The following TLN1 variants were observed in gnomAD, a reference collection of about 807,000 sequenced individuals.
TLN1 encodes talin 1.
A neutral mutation model predicts 292.3 loss-of-function variants in TLN1; 56 were observed. That is an observed-to-expected ratio of 0.19 (90% confidence interval 0.15 to 0.24). The LOEUF (loss-of-function observed/expected upper bound fraction) is 0.24, where lower values mean the gene tolerates loss of function less well. Among genes scored for constraint, TLN1 ranks in the 10% least tolerant of loss-of-function variants. TLN1 has a pLI of 1.00. For missense variants in TLN1, 2,433 were observed against 3,248.2 expected (o/e 0.75, Z 6.10); for synonymous variants, 1,119 against 1,253.7 (o/e 0.89, Z 2.27).
chr9:35,717,546 A>T lies in TLN1; in HGVS notation c.2163+73T>A. The T allele has an allele frequency of 1.9e-6, 3 of 1,578,448 alleles. No individual in the cohort carries two copies. The highest frequency in any genetic ancestry group is 1.7e-4 in the Middle Eastern group (1 of 5,902). ...TGAGGAGGCCTCCAGAGCCAAAGAA[A>T]TAAAATGAAAGGCTCACGTGTGTGT... On this transcript the variant is annotated intron_variant, in intron 18 of 56. Transcript: ENST00000314888. This position sits in a 1 kb window ranked among gnomAD's most constrained non-coding sequence, Gnocchi z 4.7.
At chr9:35,731,677 CTCA>C (rs1380859411) in intron 1 of TLN1, among the ~76,000 whole-genome samples, 1 of 152,162 alleles carries the variant, frequency 6.6e-6, no homozygotes, top group Non-Finnish European at 1.5e-5. Context: ...ACGGACCTGA[CTCA>C]CACTAACTCT....
In TLN1 at chr9:35,700,243, G is replaced by A; in HGVS notation, c.6608C>T (p.Ala2203Val). The change falls in exon 49 of 57, where the codon GCC (alanine) becomes GTC (valine). Residue 2203 changes from alanine to valine, a missense_variant. By Grantham distance (64) the Ala-to-Val change is moderately conservative. Coordinates refer to ENST00000314888, the MANE Select transcript of TLN1 (RefSeq NM_006289.4). ...AGCACGGCGGCTCAGATTGGCTGTGGCAATGACATCTTCCTGGCGACAGGA... is the reference window on the plus strand; with the variant it reads ...AGCACGGCGGCTCAGATTGGCTGTGACAATGACATCTTCCTGGCGACAGGA... Reference protein sequence around the residue: ...GNSCRQEDVIATANLSRRAIA... With the variant: ...GNSCRQEDVIVTANLSRRAIA... 1.2e-6 allele frequency: 2 copies of A among 1,612,918 alleles called. No individual in the cohort carries two copies. The highest frequency in any genetic ancestry group is 2.2e-5 in the South Asian group (2 of 91,074).
At position 35,717,622 on chromosome 9, in the gene TLN1, A is replaced by G. The variant is rs1422156486; in HGVS notation, c.2160T>C (p.Thr720=). 6.2e-7 allele frequency: 1 copy of G among 1,612,532 alleles called. No homozygotes were observed. Among genetic ancestry groups the G allele is most frequent in the Non-Finnish European group, 8.5e-7 (1 of 1,178,768 alleles). Residue 720 remains threonine, a synonymous_variant, in exon 18 of 57, where the codon ACT becomes ACC. Coordinates refer to ENST00000314888, the MANE Select transcript of TLN1 (RefSeq NM_006289.4). The surrounding 1 kb of genome is among the most constrained non-coding windows in gnomAD (Gnocchi z 4.7). Reference sequence around the variant, plus strand: ...TAGAGCAACCTTTGGGGCTCACCTTAGTACAGGCCACTAGTTGGGAAGTGG... The same window carrying G: ...TAGAGCAACCTTTGGGGCTCACCTTGGTACAGGCCACTAGTTGGGAAGTGG... The part of the protein sequence containing the change: ...ALSTSQLVAC[T]KVVAPTISSP...
chr9:35,710,456 T>A, intron 33 of TLN1, 105 bp downstream of exon 33: 1 of 1,490,564 alleles, frequency 6.7e-7, no homozygotes, highest in Non-Finnish European at 9.0e-7. Flanking sequence ...TAGAGTTGGC[T>A]TTGCAAACAT....
Position 35,704,624 on chromosome 9 carries a change from G to C in TLN1, c.5880+45C>G. The C allele has an allele frequency of 6.2e-7, 1 of 1,608,256 alleles. No individual in the cohort carries two copies. The highest frequency in any genetic ancestry group is 8.5e-7 in the Non-Finnish European group (1 of 1,176,996). ...CTGGAGGAGGATGGCAAAGGCTACAGAGTTTGGAGGCAGTCCCACCATCTG... is the reference window on the plus strand; with the variant it reads ...CTGGAGGAGGATGGCAAAGGCTACACAGTTTGGAGGCAGTCCCACCATCTG... On this transcript the variant is annotated intron_variant, in intron 44 of 56. Transcript: ENST00000314888. The surrounding 1 kb of genome is among the most constrained non-coding windows in gnomAD (Gnocchi z 6.9).
intron 20 of TLN1, 97 bp downstream of exon 20, chr9:35,716,293 T>G: frequency 7.0e-7 from 1 of 1,425,188 alleles, no homozygotes; most frequent in East Asian, 2.4e-5. Context: ...TGTTTTCTGC[T>G]TTTCCTGGGT....
chr9:35,730,755 CAG>C (rs981594477), intron 1 of TLN1, among the ~76,000 whole-genome samples: 1 of 151,992 alleles, frequency 6.6e-6, no homozygotes, highest in African/African-American at 2.4e-5. Context: ...GTGTGAAATG[CAG>C]AGTCAGGGAT....
chr9:35,729,486 G>A (rs1826031959), intron 1 of TLN1, among the ~76,000 whole-genome samples: 2 of 152,188 alleles, frequency 1.3e-5, no homozygotes, highest in African/African-American at 4.8e-5. Flanking sequence ...TTTACTTATT[G>A]GAGGACAAAA....
At chr9:35,725,810 T>C (rs1181747651) in intron 1 of TLN1, 83 bp from the exon 2 acceptor site, 1 of 1,347,954 alleles carries the variant, frequency 7.4e-7, no homozygotes, top group African/African-American at 1.5e-5. Context: ...AAGGGAAGAG[T>C]GTTTTTGAAA....
chr9:35,720,261 T>C (rs2131902915), intron 12 of TLN1, 42 bp from the exon 13 acceptor site: 1 of 1,549,894 alleles, frequency 6.5e-7, no homozygotes, highest in East Asian at 2.3e-5. Flanking sequence ...GGACTCCTCA[T>C]CTCTACCCGT....
rs1175057298 is a variant in TLN1 at position 35,722,202 on chromosome 9, T to G, written c.865A>C (p.Met289Leu). 1.9e-6 allele frequency: 3 copies of G among 1,614,114 alleles called. No homozygotes were observed. In the African/African-American group the frequency reaches 4.0e-5, roughly 22 times the overall value. The change falls in exon 9 of 57, where the codon ATG becomes CTG. Residue 289 changes from methionine (M) to leucine (L), a missense_variant. By Grantham distance (15) the Met-to-Leu change is conservative (BLOSUM62 2). Coordinates refer to ENST00000314888, the MANE Select transcript of TLN1 (RefSeq NM_006289.4). The part of the protein sequence containing the change: ...IFQAHKNCGQ[M>L]SEIEAKVRYV... ...CGGACCTTGGCCTCAATCTCACTCA[T>G]CTGCCCACAATTCTTGTGTGCCTGT...
intron 10 of TLN1, 114 bp downstream of exon 10, chr9:35,721,534 T>C: frequency 1.6e-6 from 2 of 1,215,146 alleles, no homozygotes; most frequent in Non-Finnish European, 1.1e-6. Context: ...TCTAACCTCC[T>C]TTTTTTCTGG....
At position 35,719,865 on chromosome 9, in the gene TLN1, T is replaced by C. The variant is rs1365958912; in HGVS notation, c.1465-12A>G. ...TGCTGGGCTGAAGTCTAAAGACAAG[T>C]GGGGAGAAACAGGGACTGGAATGGA... On this transcript the variant is annotated splice_polypyrimidine_tract_variant and intron_variant, in intron 13 of 56. Coordinates refer to ENST00000314888, the MANE Select transcript of TLN1 (RefSeq NM_006289.4). The surrounding 1 kb of genome is among the most constrained non-coding windows in gnomAD (Gnocchi z 4.6). 17 of 1,576,906 alleles carry C rather than the reference T, an allele frequency of 1.1e-5. No homozygotes were observed. In the Admixed American group the frequency reaches 2.1e-4, roughly 19 times the overall value.
At chr9:35,722,820 C>A in intron 8 of TLN1, 41 bp downstream of exon 8, 3 of 1,603,296 alleles carry the variant, frequency 1.9e-6, no homozygotes, top group Non-Finnish European at 1.7e-6. Context: ...AGCAGCAAAG[C>A]TCCGCGGTCA....
rs1341104193 is a variant in TLN1 at position 35,714,891 on chromosome 9, G to A, written c.2755-15C>T. 6.3e-7 allele frequency: 1 copy of A among 1,585,594 alleles called. No homozygotes were observed. Among genetic ancestry groups the A allele is most frequent in the Non-Finnish European group, 8.6e-7 (1 of 1,165,824 alleles). On this transcript the variant is annotated splice_polypyrimidine_tract_variant and intron_variant, in intron 21 of 56. Transcript: ENST00000314888. The surrounding 1 kb of genome is among the most constrained non-coding windows in gnomAD (Gnocchi z 4.6). ...TTGGCTGCATGCTGTGAAGACAAGAGTAGTCAGACCAAGCCCATGGATTCC... is the reference window on the plus strand; with the variant it reads ...TTGGCTGCATGCTGTGAAGACAAGAATAGTCAGACCAAGCCCATGGATTCC...
At chr9:35,711,474 C>G in intron 29 of TLN1, 80 bp from the exon 30 acceptor site, 1 of 1,607,044 alleles carries the variant, frequency 6.2e-7, no homozygotes, top group Non-Finnish European at 8.5e-7. Flanking sequence ...CCCAGACACT[C>G]AAGTAGTGCT....
intron 27 of TLN1, among the ~76,000 whole-genome samples, chr9:35,712,380 T>A (rs1825688549): frequency 6.6e-6 from 1 of 152,138 alleles, no homozygotes; most frequent in Non-Finnish European, 1.5e-5. Context: ...GCACAGTGGC[T>A]CACGCCTGTA....
chr9:35,699,474 C>T lies in TLN1; in HGVS notation c.6769-13G>A, dbSNP rs760950226. On this transcript the variant is annotated splice_polypyrimidine_tract_variant and intron_variant, in intron 50 of 56. Transcript: ENST00000314888. This position sits in a 1 kb window ranked among gnomAD's most constrained non-coding sequence, Gnocchi z 4.0. ...GCTTCTGCAGGGTCTGGGCAAGAAG[C>T]GGGCAGGGGACAAAGAGCATCACAT... The T allele has an allele frequency of 1.7e-5, 28 of 1,607,084 alleles. No individual in the cohort carries two copies. The highest frequency in any genetic ancestry group is 4.5e-5 in the East Asian group (2 of 44,880).
Position 35,714,074 on chromosome 9 carries a change from T to C in TLN1, c.3128A>G (p.Glu1043Gly). The C allele has an allele frequency of 6.2e-7, 1 of 1,614,104 alleles. No individual in the cohort carries two copies. Reference protein sequence around the residue: ...ELRTAAQKAQEACGPLEMDSA... With the variant: ...ELRTAAQKAQGACGPLEMDSA... ...ATCCATCTCCAAAGGTCCACATGCT[T>C]CCTGAGCCTATGATAAGAAAGGGGT... is the stretch of plus-strand genomic sequence containing the variant. Residue 1043 changes from glutamate to glycine, a missense_variant, in exon 25 of 57, where the codon GAA becomes GGA. Transcript: ENST00000314888. This position sits in a 1 kb window ranked among gnomAD's most constrained non-coding sequence, Gnocchi z 4.6.
Sources: gnomAD v4.1 joint callset for allele counts (sites outside exome capture counted in the v4.1 genomes callset) on GRCh38, gnomAD v4.1.1 for gene constraint, Gnocchi (gnomAD v3.1) non-coding constraint, MANE v1.5 for transcripts, NCBI Gene and HGNC (gene_info 2026-07-23, HGNC 2026-07-21) for gene names.